SEMA3E: variants seen among roughly 807,000 people sequenced by gnomAD.
The protein encoded by SEMA3E is semaphorin-3E.
SEMA3E carries 49 observed loss-of-function variants against 93.6 expected under a neutral mutation model. The ratio of observed to expected loss-of-function variants is 0.52; its 90% CI spans 0.42 to 0.66. The LOEUF is 0.66. Ranked by LOEUF, SEMA3E falls within the 30% of genes least tolerant of loss-of-function variation. SEMA3E has a pLI of 0.00. For synonymous variants in SEMA3E, 363 were observed against 330.7 expected (o/e 1.10, Z -1.06); for missense variants, 906 against 964.8 (o/e 0.94, Z 0.81).
At chr7:83,515,903 T>C (rs1199132888) in intron 1 of SEMA3E, among the ~76,000 whole-genome samples, 1 of 152,162 alleles carries the variant, frequency 6.6e-6, no homozygotes, top group Non-Finnish European at 1.5e-5. Flanking sequence ...GGCGGGTGCC[T>C]GTAGTCCCAG....
rs766470618 is a variant in SEMA3E, at chr7:83,367,579, C to T, written c.*7G>A. ...TTCTTCAAAAGACAGTAGATAGTCT[C>T]ACCCCATCAGGAGTCCAGCGTGTGC... On this transcript the variant is annotated 3_prime_UTR_variant, in exon 17 of 17. Coordinates refer to ENST00000643230, the MANE Select transcript of SEMA3E (RefSeq NM_012431.3). 4 of 1,613,716 alleles carry T rather than the reference C, an allele frequency of 2.5e-6. No homozygotes were observed. Among genetic ancestry groups the T allele is most frequent in the Non-Finnish European group, 3.4e-6 (4 of 1,179,684 alleles).
At chr7:83,414,657 A>C (rs1204111015) in intron 5 of SEMA3E, among the ~76,000 whole-genome samples, 1 of 152,110 alleles carries the variant, frequency 6.6e-6, no homozygotes, top group Non-Finnish European at 1.5e-5. Context: ...AAAATATCTT[A>C]TTAGTGATTA....
chr7:83,614,210 A>G (rs533045037), intron 1 of SEMA3E, among the ~76,000 whole-genome samples: 19 of 152,134 alleles, frequency 1.2e-4, no homozygotes, highest in Non-Finnish European at 2.2e-4. Flanking sequence ...ACAATATTAT[A>G]GGTAAATTGA....
rs1185620822 is a variant in SEMA3E at position 83,466,577 on chromosome 7, C to T, written c.361G>A (p.Val121Ile). 3 of 1,613,730 alleles carry T rather than the reference C, an allele frequency of 1.9e-6. No individual in the cohort carries two copies. Among genetic ancestry groups the T allele is most frequent in the Admixed American group, 1.7e-5 (1 of 59,998 alleles). Reference protein sequence around the residue: ...DAGECANYVRVLHHYNRTHLL... With the variant: ...DAGECANYVRILHHYNRTHLL... ...TGTGTCCTGTTATAGTGATGCAAAACCCGAACATAATTTGCACATTCACCC... is the reference window on the plus strand; with the variant it reads ...TGTGTCCTGTTATAGTGATGCAAAATCCGAACATAATTTGCACATTCACCC... The change falls in exon 4 of 17, where the codon GTT (valine) becomes ATT (isoleucine). Residue 121 changes from valine (V) to isoleucine (I), a missense_variant. Physicochemically the swap from Val to Ile is conservative, Grantham distance 29. Transcript: ENST00000643230.
intron 4 of SEMA3E, among the ~76,000 whole-genome samples, chr7:83,438,660 T>C (rs1459526323): frequency 6.6e-6 from 1 of 152,046 alleles, no homozygotes; most frequent in African/African-American, 2.4e-5. Flanking sequence ...ATATCCAATT[T>C]GCATTTGGGT....
intron 1 of SEMA3E, among the ~76,000 whole-genome samples, chr7:83,528,578 T>C (rs932398229): frequency 6.6e-6 from 1 of 152,134 alleles, no homozygotes; most frequent in Non-Finnish European, 1.5e-5. Context: ...TAAATACTCA[T>C]TCAATTATCT....
intron 16 of SEMA3E, among the ~76,000 whole-genome samples, chr7:83,377,560 G>A (rs1356599284): frequency 1.3e-5 from 2 of 151,830 alleles, no homozygotes; most frequent in Non-Finnish European, 2.9e-5. Context: ...CAAGTCTTTG[G>A]TTTTTCAATT....
intron 1 of SEMA3E, among the ~76,000 whole-genome samples, chr7:83,539,855 C>CTGTGTGTGTGTGTGTG (rs59200828): frequency 0.046 from 5,636 of 122,356 alleles, 230 homozygotes; most frequent in East Asian, 0.071. Flanking sequence ...TTTGTTGTTT[C>CTGTGTGTGTGTGTGTG]TGTGTGTGTG....
chr7:83,405,356 C>A, intron 9 of SEMA3E, 94 bp downstream of exon 9: 1 of 884,178 alleles, frequency 1.1e-6, no homozygotes, highest in South Asian at 1.4e-5. Flanking sequence ...GCAACTGGGT[C>A]AATAGTCTTT....
At chr7:83,432,272 GT>G (rs61299855) in intron 4 of SEMA3E, among the ~76,000 whole-genome samples, 35,716 of 146,554 alleles carry the variant, frequency 0.24, 4,554 homozygotes, top group Middle Eastern at 0.34. Context: ...GCATTTGAGG[GT>G]TTTTTTTTTT....
chr7:83,594,197 T>C (rs538556092), intron 1 of SEMA3E, among the ~76,000 whole-genome samples: 1 of 152,172 alleles, frequency 6.6e-6, no homozygotes, highest in Non-Finnish European at 1.5e-5. Flanking sequence ...ATACACTTTT[T>C]TGTTTGCTTT....
chr7:83,409,169 G>A (rs1472218976), intron 5 of SEMA3E, among the ~76,000 whole-genome samples: 1 of 152,166 alleles, frequency 6.6e-6, no homozygotes, highest in Non-Finnish European at 1.5e-5. Flanking sequence ...ATCAGACTGA[G>A]AAATTACATA....
At chr7:83,487,048 C>T (rs184519123) in intron 2 of SEMA3E, among the ~76,000 whole-genome samples, 7 of 152,054 alleles carry the variant, frequency 4.6e-5, no homozygotes, top group Non-Finnish European at 7.4e-5. Context: ...CATCACTCTC[C>T]GGGTCTCCTA....
At chr7:83,517,972 G>C (rs1389414750) in intron 1 of SEMA3E, among the ~76,000 whole-genome samples, 1 of 152,124 alleles carries the variant, frequency 6.6e-6, no homozygotes, top group African/African-American at 2.4e-5. Flanking sequence ...GTAATTAACA[G>C]AGTTAATTCC....
intron 5 of SEMA3E, among the ~76,000 whole-genome samples, chr7:83,410,712 C>T (rs116787341): frequency 0.022 from 3,297 of 152,058 alleles, 117 homozygotes; most frequent in African/African-American, 0.075. Context: ...AAAAGAGAGT[C>T]ATTAAAAGGA....
At chr7:83,412,256 A>G (rs1368753585) in intron 5 of SEMA3E, among the ~76,000 whole-genome samples, 1 of 152,020 alleles carries the variant, frequency 6.6e-6, no homozygotes, top group Non-Finnish European at 1.5e-5. Context: ...TCTGGTACCT[A>G]TTTCTATCCT....
chr7:83,516,206 T>A (rs1314393163), intron 1 of SEMA3E, among the ~76,000 whole-genome samples: 1 of 152,202 alleles, frequency 6.6e-6, no homozygotes, highest in Non-Finnish European at 1.5e-5. Context: ...TATTTTTATA[T>A]ACTGGACTAA....
At chr7:83,467,048 A>C (rs1789778736) in intron 3 of SEMA3E, among the ~76,000 whole-genome samples, 1 of 141,004 alleles carries the variant, frequency 7.1e-6, no homozygotes, top group Non-Finnish European at 1.5e-5. Context: ...TCATATGGAA[A>C]TATGCAGTCT....
intron 2 of SEMA3E, among the ~76,000 whole-genome samples, chr7:83,487,039 A>G (rs1300598817): frequency 6.6e-6 from 1 of 152,074 alleles, no homozygotes; most frequent in African/African-American, 2.4e-5. Context: ...ATAAAGCCTC[A>G]TCACTCTCCG....
Sources: gnomAD v4.1 joint callset for allele counts (sites outside exome capture counted in the v4.1 genomes callset) on GRCh38, gnomAD v4.1.1 for gene constraint, MANE v1.5 for transcripts, NCBI Gene and HGNC (gene_info 2026-07-23, HGNC 2026-07-21) for gene names.